CDH4: variants seen among roughly 807,000 people sequenced by gnomAD.
CDH4 encodes the protein cadherin-4.
A neutral mutation model predicts 86.0 loss-of-function variants in CDH4; 33 were observed. The observed-to-expected ratio is 0.38, with a 90% CI of 0.29 to 0.51. CDH4 has a LOEUF of 0.51. CDH4 is among the 20% of genes least tolerant of loss of function. The pLI is 0.86. For synonymous variants in CDH4, 555 were observed against 549.4 expected, an observed-to-expected ratio of 1.01 and a Z score of -0.14; for missense variants, 1,114 against 1,307.4, an observed-to-expected ratio of 0.85 and a Z score of 2.28.
In CDH4 at chr20:61,261,254, TC is replaced by T. The variant is rs35102185; in HGVS notation, c.169+6319del. On this transcript the variant is annotated intron_variant, in intron 2 of 15. Coordinates refer to ENST00000614565, the MANE Select transcript of CDH4 (RefSeq NM_001794.5). ...GATCAGGATTCCCACCCTGCAAGAT[TC>T]CTAACCGCTGCTTCTCTATGCTCAC... Among the ~76,000 whole-genome samples the T allele has an allele frequency of 4.1e-3, 617 of 152,286 alleles. 3 individuals are homozygous for T. The highest frequency in any genetic ancestry group is 0.014 in the African/African-American group (592 of 41,552).
chr20:61,493,088 G>C (rs1238463294), intron 2 of CDH4, among the ~76,000 whole-genome samples: 1 of 152,214 alleles, frequency 6.6e-6, no homozygotes, highest in African/African-American at 2.4e-5. Context: ...CTCTAATAAA[G>C]TCACTCAAAC....
intron 2 of CDH4, among the ~76,000 whole-genome samples, chr20:61,644,653 A>G (rs1457189978): frequency 6.6e-6 from 1 of 152,178 alleles, no homozygotes; most frequent in East Asian, 1.9e-4. Context: ...TGCCTCCACA[A>G]CCAGGGCAAA....
intron 2 of CDH4, among the ~76,000 whole-genome samples, chr20:61,648,594 A>T (rs777246470): frequency 2.6e-5 from 4 of 152,164 alleles, no homozygotes; most frequent in Admixed American, 6.5e-5. Context: ...CCCATTTCCC[A>T]TGTTGGAGAG....
At chr20:61,851,937 G>T (rs1280410599) in intron 5 of CDH4, among the ~76,000 whole-genome samples, 1 of 152,280 alleles carries the variant, frequency 6.6e-6, no homozygotes, top group Admixed American at 6.5e-5. Flanking sequence ...ACCTGCCATT[G>T]CAGGCCCTTG....
intron 2 of CDH4, among the ~76,000 whole-genome samples, chr20:61,378,583 G>A (rs1248182714): frequency 6.6e-6 from 1 of 152,144 alleles, no homozygotes; most frequent in Non-Finnish European, 1.5e-5. Context: ...GTCTTTCATA[G>A]GAACACCTGT....
At chr20:61,471,015 TTGTC>T (rs1361674377) in intron 2 of CDH4, among the ~76,000 whole-genome samples, 8 of 152,098 alleles carry the variant, frequency 5.3e-5, no homozygotes, top group South Asian at 2.1e-4. Flanking sequence ...TGATGTATCT[TTGTC>T]TGGGTGTGGT....
chr20:61,335,708 C>T (rs916161349), intron 2 of CDH4, among the ~76,000 whole-genome samples: 28 of 152,182 alleles, frequency 1.8e-4, no homozygotes, highest in African/African-American at 6.5e-4. Flanking sequence ...GAGCATAATG[C>T]GCCCCACCTG....
intron 3 of CDH4, among the ~76,000 whole-genome samples, chr20:61,762,857 G>C (rs920489694): frequency 6.6e-6 from 1 of 152,166 alleles, no homozygotes; most frequent in East Asian, 1.9e-4. Context: ...CTTTCCAGGA[G>C]GGGGACAGGT....
chr20:61,327,016 G>C (rs889310187), intron 2 of CDH4, among the ~76,000 whole-genome samples: 12 of 152,202 alleles, frequency 7.9e-5, no homozygotes, highest in African/African-American at 2.9e-4. Context: ...ACCTCCACCA[G>C]GCAAGATTAC....
chr20:61,692,841 G>GTT (rs10632243), intron 2 of CDH4, among the ~76,000 whole-genome samples: 3,071 of 144,038 alleles, frequency 0.021, 107 homozygotes, highest in African/African-American at 0.068. Context: ...TTTGTTTTTT[G>GTT]TTTTTTTTTT....
intron 4 of CDH4, among the ~76,000 whole-genome samples, chr20:61,797,904 G>A (rs1490580391): frequency 1.3e-5 from 2 of 152,232 alleles, no homozygotes; most frequent in Non-Finnish European, 2.9e-5. Flanking sequence ...ATGGCTGCAG[G>A]ACACGGACCG....
rs145225182 is a variant in CDH4 at position 61,626,474 on chromosome 20, C to T, written c.170-117089C>T. Among the ~76,000 whole-genome samples, 394 of 142,432 alleles carry T rather than the reference C, an allele frequency of 2.8e-3. 5 individuals are homozygous for T. Among genetic ancestry groups the T allele is most frequent in the Admixed American group, 5.2e-3 (72 of 13,878 alleles). The allele number at this position is 142,432 out of a possible 152,430, so 93.4% of individuals were successfully genotyped here. A position where few individuals can be genotyped will look rare whatever the true frequency, so the allele number is the denominator to read the frequency against. On this transcript the variant is annotated intron_variant, in intron 2 of 15. Transcript: ENST00000614565. Reference sequence around the variant, plus strand: ...GCAGAAGGAGAAGCACCCGTGTTCCCGAAGTCAGTGCGTTGTGGGGGGTGG... The same window carrying T: ...GCAGAAGGAGAAGCACCCGTGTTCCTGAAGTCAGTGCGTTGTGGGGGGTGG...
chr20:61,685,781 C>T (rs1002292069), intron 2 of CDH4, among the ~76,000 whole-genome samples: 5 of 152,240 alleles, frequency 3.3e-5, no homozygotes, highest in Non-Finnish European at 5.9e-5. Flanking sequence ...GGCTACCCCT[C>T]GTCCCATGTG....
chr20:61,563,889 G>A (rs979309457), intron 2 of CDH4, among the ~76,000 whole-genome samples: 1 of 152,190 alleles, frequency 6.6e-6, no homozygotes, highest in African/African-American at 2.4e-5. Context: ...AACAGGTGAT[G>A]CGTGCAGTAG....
Position 61,661,088 on chromosome 20 carries a change from G to C in CDH4, c.170-82475G>C, listed in dbSNP as rs116078382. 5.2e-3 allele frequency among the ~76,000 whole-genome samples: 755 copies of C among 144,766 alleles called. 61 individuals are homozygous for C. Among genetic ancestry groups the C allele is most frequent in the African/African-American group, 0.019 (728 of 37,914 alleles). The allele number at this position is 144,766 out of a possible 152,430, so 95.0% of individuals were successfully genotyped here. A position where few individuals can be genotyped will look rare whatever the true frequency, so the allele number is the denominator to read the frequency against. ...CGGCATGGACAGGAGGCATGGCGGG[G>C]GGGGGGGAGACACAGTGCCAGGCTC... On this transcript the variant is annotated intron_variant, in intron 2 of 15. Transcript: ENST00000614565.
chr20:61,573,301 A>C (rs1237111024), intron 2 of CDH4, among the ~76,000 whole-genome samples: 1 of 152,234 alleles, frequency 6.6e-6, no homozygotes, highest in African/African-American at 2.4e-5. Context: ...AAGTCCAACG[A>C]CTGCACAGTC....
At chr20:61,921,942 TTC>T (rs1174785233) in intron 9 of CDH4, among the ~76,000 whole-genome samples, 2 of 152,178 alleles carry the variant, frequency 1.3e-5, no homozygotes, top group Non-Finnish European at 2.9e-5. Flanking sequence ...AATCATATTT[TTC>T]TCTCTCTTTT....
At chr20:61,533,416 G>A (rs2085970899) in intron 2 of CDH4, among the ~76,000 whole-genome samples, 1 of 152,242 alleles carries the variant, frequency 6.6e-6, no homozygotes, top group African/African-American at 2.4e-5. Context: ...CCCAAGTCCT[G>A]CTGCAGAGGC....
intron 2 of CDH4, among the ~76,000 whole-genome samples, chr20:61,259,816 A>G (rs2084119325): frequency 6.6e-6 from 1 of 152,190 alleles, no homozygotes. Flanking sequence ...AGGTTAGTCT[A>G]TTAGGTTAGG....
Sources: gnomAD v4.1 joint callset for allele counts (sites outside exome capture counted in the v4.1 genomes callset) on GRCh38, gnomAD v4.1.1 for gene constraint, MANE v1.5 for transcripts, NCBI Gene and HGNC (gene_info 2026-07-23, HGNC 2026-07-21) for gene names.